Variants in MYO5B observed in about 807,000 individuals in gnomAD.
MYO5B encodes unconventional myosin-Vb.
In MYO5B, 143 loss-of-function variants were observed where a neutral mutation model predicts 229.3. That is an observed-to-expected ratio of 0.62 (90% CI 0.54 to 0.72). The LOEUF is 0.72. Among genes scored for constraint, MYO5B ranks in the 30% least tolerant of loss-of-function variants. The pLI is 0.00. For missense variants in MYO5B, 2,321 were observed against 2,331.0 expected (o/e 1.00, Z 0.09); for synonymous variants, 918 against 885.2 (o/e 1.04, Z -0.66).
chr18:49,949,448 C>T (rs1372136951), intron 14 of MYO5B, among the ~76,000 whole-genome samples: 2 of 152,084 alleles, frequency 1.3e-5, no homozygotes, highest in Admixed American at 6.6e-5. Context: ...TTTACAGCTC[C>T]GATAGCTGAG....
chr18:50,176,552 A>G (rs776575250), intron 1 of MYO5B, among the ~76,000 whole-genome samples: 4 of 152,154 alleles, frequency 2.6e-5, no homozygotes, highest in Non-Finnish European at 4.4e-5. Context: ...GTGTTTTCCT[A>G]GAGTCTTCAA....
chr18:50,166,160 T>TC (rs199662324), intron 1 of MYO5B, among the ~76,000 whole-genome samples: 2,136 of 152,298 alleles, frequency 0.014, 52 homozygotes, highest in African/African-American at 0.049. Flanking sequence ...GCCCTTCATA[T>TC]CAAGCCCTCA....
intron 7 of MYO5B, among the ~76,000 whole-genome samples, chr18:49,989,441 C>T (rs2025905696): frequency 6.6e-6 from 1 of 152,126 alleles, no homozygotes; most frequent in Admixed American, 6.5e-5. Flanking sequence ...TATTGGACCT[C>T]CCCACATGCC....
At chr18:49,841,034 G>T (rs1291309080) in intron 35 of MYO5B, among the ~76,000 whole-genome samples, 1 of 152,224 alleles carries the variant, frequency 6.6e-6, no homozygotes, top group Non-Finnish European at 1.5e-5. Context: ...CTGCAGTGGG[G>T]CTTCTAGAGC....
chr18:50,178,168 G>T (rs906351884), intron 1 of MYO5B, among the ~76,000 whole-genome samples: 1 of 152,122 alleles, frequency 6.6e-6, no homozygotes, highest in African/African-American at 2.4e-5. Context: ...GGGTAGTTGT[G>T]GCGCACACAA....
intron 1 of MYO5B, among the ~76,000 whole-genome samples, chr18:50,174,234 T>C (rs1251163593): frequency 6.6e-6 from 1 of 152,148 alleles, no homozygotes; most frequent in Non-Finnish European, 1.5e-5. Context: ...AAAAGGAGGT[T>C]TATTATGAAA....
At chr18:49,839,836 C>T (rs546957440) in intron 35 of MYO5B, 115 of 174,426 alleles carry the variant, frequency 6.6e-4, no homozygotes, top group African/African-American at 2.6e-3. Flanking sequence ...GATGAAATCA[C>T]ATGTAAGTTA....
At position 49,878,936 on chromosome 18, in the gene MYO5B, C is replaced by A. The variant is rs555853191; in HGVS notation, c.3276+9G>T. 9.3e-6 allele frequency: 15 copies of A among 1,613,952 alleles called. No homozygotes were observed. The highest frequency in any genetic ancestry group is 1.3e-5 in the Non-Finnish European group (15 of 1,180,004). On this transcript the variant is annotated intron_variant, in intron 24 of 39. Coordinates refer to ENST00000285039, the MANE Select transcript of MYO5B (RefSeq NM_001080467.3). ...CTGTGCCATGGCACAGCAGAAGCAC[C>A]CCCCTTGCCTTTATGATGGTCATTT...
chr18:49,856,817 C>A lies in MYO5B; in HGVS notation c.4018G>T (p.Ala1340Ser). The A allele has an allele frequency of 6.2e-7, 1 of 1,613,068 alleles. No individual in the cohort carries two copies. The highest frequency in any genetic ancestry group is 8.5e-7 in the Non-Finnish European group (1 of 1,178,954). ...GLAYQGLKQV[A>S]RLLEAQLQAQ... ...GAAGAAAGGAATATGTTCCACCTGG[C>A]AACTTGCTTTAGGCCTTGGTAGGCC... The change falls in exon 30 of 40, where the codon GCC (alanine) becomes TCC (serine). Residue 1340 changes from alanine (A) to serine (S), a missense_variant. Physicochemically the swap from Ala to Ser is moderately conservative, Grantham distance 99 (BLOSUM62 1). Transcript: ENST00000285039.
At chr18:50,029,233 G>A (rs2026363225) in intron 4 of MYO5B, among the ~76,000 whole-genome samples, 2 of 152,184 alleles carry the variant, frequency 1.3e-5, no homozygotes, top group African/African-American at 4.8e-5. Flanking sequence ...AGATAGGTGT[G>A]CACTGGCATG....
At chr18:50,043,273 T>G (rs2030076802) in intron 2 of MYO5B, among the ~76,000 whole-genome samples, 1 of 99,314 alleles carries the variant, frequency 1.0e-5, no homozygotes, top group Non-Finnish European at 2.0e-5. Flanking sequence ...TATTTATAAA[T>G]ATATTTATAT....
chr18:50,043,519 GTATA>G (rs2030121624), intron 2 of MYO5B, among the ~76,000 whole-genome samples: 1 of 86,754 alleles, frequency 1.2e-5, no homozygotes, highest in African/African-American at 4.7e-5. Context: ...ATATTTATAA[GTATA>G]TAAATATATT....
chr18:49,874,994 A>C (rs560101770), intron 26 of MYO5B, among the ~76,000 whole-genome samples: 6 of 152,284 alleles, frequency 3.9e-5, no homozygotes, highest in African/African-American at 1.4e-4. Context: ...GTAACATCTA[A>C]ATTCCTCATA....
intron 8 of MYO5B, among the ~76,000 whole-genome samples, chr18:49,983,013 A>G (rs1245597940): frequency 6.6e-6 from 1 of 152,170 alleles, no homozygotes; most frequent in Non-Finnish European, 1.5e-5. Context: ...TGATAAATTC[A>G]GAGAAGAATG....
At chr18:49,890,105 C>T (rs2024691856) in intron 22 of MYO5B, among the ~76,000 whole-genome samples, 1 of 152,166 alleles carries the variant, frequency 6.6e-6, no homozygotes, top group South Asian at 2.1e-4. Context: ...AGCTCCACAC[C>T]CCAGGTGGGT....
intron 2 of MYO5B, among the ~76,000 whole-genome samples, chr18:50,051,358 G>T (rs920728089): frequency 6.6e-6 from 1 of 152,180 alleles, no homozygotes; most frequent in African/African-American, 2.4e-5. Flanking sequence ...TCAGGGCCTT[G>T]CCCAGAGGGA....
intron 1 of MYO5B, among the ~76,000 whole-genome samples, chr18:50,102,609 C>A (rs1166682083): frequency 6.6e-6 from 1 of 152,156 alleles, no homozygotes; most frequent in Non-Finnish European, 1.5e-5. Context: ...TGCTCCAACC[C>A]AGTCCTGCAC....
chr18:49,872,545 A>T (rs569876658), intron 26 of MYO5B, among the ~76,000 whole-genome samples: 1 of 152,276 alleles, frequency 6.6e-6, no homozygotes, highest in South Asian at 2.1e-4. Flanking sequence ...TGATATTCTG[A>T]AGTCCTCACC....
chr18:50,017,581 T>C (rs2026229778), intron 4 of MYO5B, among the ~76,000 whole-genome samples: 2 of 152,216 alleles, frequency 1.3e-5, no homozygotes, highest in African/African-American at 2.4e-5. Context: ...TTTTTGACCA[T>C]TACGAATAAC....
Sources: gnomAD v4.1 joint callset for allele counts (sites outside exome capture counted in the v4.1 genomes callset) on GRCh38, gnomAD v4.1.1 for gene constraint, MANE v1.5 for transcripts, NCBI Gene and HGNC (gene_info 2026-07-23, HGNC 2026-07-21) for gene names.